NEIL2: variants seen among roughly 807,000 people sequenced by gnomAD.
NEIL2 encodes nei like DNA glycosylase 2, also known as endonuclease 8-like 2.
Under a neutral mutation model 22.2 loss-of-function variants are expected in NEIL2, and 23 were observed. That is an observed-to-expected ratio of 1.04 (90% confidence interval 0.75 to 1.47). The LOEUF (loss-of-function observed/expected upper bound fraction) is 1.47, where lower values mean the gene tolerates loss of function less well. Among genes scored for constraint, NEIL2 ranks in the 40% most tolerant of loss-of-function variants. The probability of loss-of-function intolerance (pLI) is 0.00; values close to 1 mark genes in which losing one functional copy is unlikely to be tolerated. For missense variants in NEIL2, 583 were observed against 404.7 expected, an observed-to-expected ratio of 1.44 and a Z score of -3.78; for synonymous variants, 229 against 164.8, an observed-to-expected ratio of 1.39 and a Z score of -2.99.
intron 4 of NEIL2, among the ~76,000 whole-genome samples, chr8:11,784,830 C>T (rs1804750409): frequency 2.0e-5 from 3 of 152,120 alleles, no homozygotes; most frequent in African/African-American, 7.2e-5. Flanking sequence ...TAACAGCTCC[C>T]GAAACACTTT....
intron 3 of NEIL2, among the ~76,000 whole-genome samples, chr8:11,780,425 G>C (rs965634288): frequency 2.6e-5 from 4 of 152,142 alleles, no homozygotes; most frequent in Non-Finnish European, 4.4e-5. Flanking sequence ...TGTTGGCCCA[G>C]GCTGGAGTGC....
At position 11,786,306 on chromosome 8, in the gene NEIL2, G is replaced by A. The variant is rs538617759; in HGVS notation, c.*33G>A. The A allele has an allele frequency of 1.3e-4, 214 of 1,595,916 alleles. No individual in the cohort carries two copies. The East Asian group carries it at 2.2e-3, about 17-fold the overall frequency. Reference sequence around the variant, plus strand: ...GTGGTGCTCCTCACGGAACCTTGCCGCTTGGGGAACCTGACGTCTAAGTGT... The same window carrying A: ...GTGGTGCTCCTCACGGAACCTTGCCACTTGGGGAACCTGACGTCTAAGTGT... On this transcript the variant is annotated 3_prime_UTR_variant, in exon 5 of 5. Coordinates refer to ENST00000284503, the MANE Select transcript of NEIL2 (RefSeq NM_145043.4).
chr8:11,785,361 A>G (rs804293), intron 4 of NEIL2, among the ~76,000 whole-genome samples: 108,267 of 151,698 alleles, frequency 0.71, 39,410 homozygotes, highest in Middle Eastern at 0.8. Context: ...ATGCCTGGCT[A>G]ATTTTTGTAT....
At chr8:11,776,850 G>C (rs892222743) in intron 2 of NEIL2, among the ~76,000 whole-genome samples, 1 of 152,074 alleles carries the variant, frequency 6.6e-6, no homozygotes, top group African/African-American at 2.4e-5. Context: ...CTCATCTTCT[G>C]GGGGGACTTT....
rs1803393937 is a variant in NEIL2 at position 11,771,069 on chromosome 8, A to G, written c.-2-377A>G. 1.3e-5 allele frequency among the ~76,000 whole-genome samples: 2 copies of G among 152,182 alleles called. 1 individual carries two copies. The highest frequency in any genetic ancestry group is 1.3e-4 in the Admixed American group (2 of 15,270). The stretch of plus-strand genomic sequence containing the variant: ...AGAGCGGGAGCAGGGGGACAGAGAA[A>G]GTCAGGAGGTGTTAGAGGTTCACAG... On this transcript the variant is annotated intron_variant, in intron 1 of 4. Coordinates refer to ENST00000284503, the MANE Select transcript of NEIL2 (RefSeq NM_145043.4).
rs748279367 is a variant in NEIL2, at chr8:11,779,945, C to A, written c.486C>A (p.Ser162=). The part of the protein sequence containing the change: ...ANKRGDWRDP[S]PRLVLHFGGG... ...AGAGGGGGGACTGGAGGGACCCTTC[C>A]CCGAGGTAATGGTGTGGCCATCTGA... The change falls in exon 3 of 5, where the codon TCC becomes TCA. Residue 162 remains serine (S), a synonymous_variant. Coordinates refer to ENST00000284503, the MANE Select transcript of NEIL2 (RefSeq NM_145043.4). 1 of 1,613,214 alleles carries A rather than the reference C, an allele frequency of 6.2e-7. No individual in the cohort carries two copies. The highest frequency in any genetic ancestry group is 1.3e-5 in the African/African-American group (1 of 74,800).
rs1804999414 is a variant in NEIL2, at chr8:11,786,757, CCTCCAGA to C, written c.*485_*491del. 2 of 192,264 alleles carry C rather than the reference CCTCCAGA, an allele frequency of 1.0e-5. No individual in the cohort carries two copies. Among genetic ancestry groups the C allele is most frequent in the African/African-American group, 4.8e-5 (2 of 41,688 alleles). 11.9% of individuals were successfully genotyped at this position (192,264 alleles called of 1,614,324 possible). On this transcript the variant is annotated 3_prime_UTR_variant, in exon 5 of 5. Coordinates refer to ENST00000284503, the MANE Select transcript of NEIL2 (RefSeq NM_145043.4). ...CTGGCTCAAGCAGTCTTCATCTCAG[CCTCCAGA>C]GTAGCTGGGACTACAGGCATGTGAT...
intron 2 of NEIL2, among the ~76,000 whole-genome samples, chr8:11,772,039 C>G (rs920206405): frequency 6.6e-6 from 1 of 152,064 alleles, no homozygotes; most frequent in Non-Finnish European, 1.5e-5. Flanking sequence ...CCCGTCTCTA[C>G]TAAAAATGCA....
Position 11,770,239 on chromosome 8 carries a change from C to G in NEIL2, c.-99C>G, listed in dbSNP as rs567391761. On this transcript the variant is annotated 5_prime_UTR_variant, in exon 1 of 5. Coordinates refer to ENST00000284503, the MANE Select transcript of NEIL2 (RefSeq NM_145043.4). ...ATAAAAATCCCTAAACGAAACATGC[C>G]CACGTGTCCGGAGATTTTCAGGACT... 6.6e-6 allele frequency: 1 copy of G among 152,196 alleles called. No homozygotes were observed. The highest frequency in any genetic ancestry group is 2.1e-4 in the South Asian group (1 of 4,828). The allele number at this position is 152,196 out of a possible 1,614,324, so 9.4% of individuals were successfully genotyped here.
At chr8:11,771,893 C>G (rs1310385238) in intron 2 of NEIL2, among the ~76,000 whole-genome samples, 1 of 152,162 alleles carries the variant, frequency 6.6e-6, no homozygotes, top group Non-Finnish European at 1.5e-5. Flanking sequence ...TTCCCCTGAG[C>G]CAGTGGAGAA....
At chr8:11,782,895 G>C (rs963365927) in intron 3 of NEIL2, 1 of 432,708 alleles carries the variant, frequency 2.3e-6, no homozygotes, top group Non-Finnish European at 4.3e-6. Flanking sequence ...TGTGCTCTAT[G>C]TTGTGGTAAC....
chr8:11,783,007 C>T (rs1291013052), intron 3 of NEIL2, 196 bp from the exon 4 acceptor site: 3 of 652,826 alleles, frequency 4.6e-6, no homozygotes, highest in Non-Finnish European at 2.9e-6. Context: ...CATGATCCAG[C>T]CACAGAGTGT....
At chr8:11,771,754 T>A (rs893175175) in intron 2 of NEIL2, among the ~76,000 whole-genome samples, 169 bp downstream of exon 2, 1 of 152,146 alleles carries the variant, frequency 6.6e-6, no homozygotes, top group Admixed American at 6.5e-5. Context: ...GAAGTAGATA[T>A]CGCTGTGGAC....
At chr8:11,785,319 C>T (rs537064443) in intron 4 of NEIL2, among the ~76,000 whole-genome samples, 1 of 152,206 alleles carries the variant, frequency 6.6e-6, no homozygotes, top group Non-Finnish European at 1.5e-5. Flanking sequence ...CCTCAGCCAC[C>T]TGAGTAGCTG....
At chr8:11,773,996 G>T (rs1300325068) in intron 2 of NEIL2, among the ~76,000 whole-genome samples, 1 of 152,250 alleles carries the variant, frequency 6.6e-6, no homozygotes, top group East Asian at 1.9e-4. Context: ...GGGAGGCCTC[G>T]CAATTATGGC....
At position 11,779,801 on chromosome 8, in the gene NEIL2, T is replaced by G. The variant is rs1804243596; in HGVS notation, c.342T>G (p.Asp114Glu). Residue 114 changes from aspartate (D) to glutamate (E), a missense_variant, in exon 3 of 5, where the codon GAT becomes GAG. Transcript: ENST00000284503. ...SAELVPQGED[D>E]SEYLERDAPA... The stretch of plus-strand genomic sequence containing the variant: ...AGCTCGTCCCCCAGGGCGAGGATGA[T>G]TCTGAGTATTTGGAGAGAGACGCCC... 6.2e-7 allele frequency: 1 copy of G among 1,613,966 alleles called. No individual in the cohort carries two copies. Among genetic ancestry groups the G allele is most frequent in the Non-Finnish European group, 8.5e-7 (1 of 1,179,974 alleles).
At chr8:11,778,290 G>GTTTTTT (rs34908835) in intron 2 of NEIL2, among the ~76,000 whole-genome samples, 39 of 130,286 alleles carry the variant, frequency 3.0e-4, no homozygotes, top group Non-Finnish European at 4.6e-4. Context: ...TCCTTGCTCA[G>GTTTTTT]TTTTTTTTTT....
chr8:11,782,553 T>A (rs1804518829), intron 3 of NEIL2: 1 of 165,310 alleles, frequency 6.0e-6, no homozygotes, highest in African/African-American at 2.4e-5. Context: ...CAAAATCATC[T>A]AACACAAAGC....
chr8:11,786,306 GC>G lies in NEIL2; in HGVS notation c.*34del, dbSNP rs112384557. ...GTGGTGCTCCTCACGGAACCTTGCC[GC>G]TTGGGGAACCTGACGTCTAAGTGTC... On this transcript the variant is annotated 3_prime_UTR_variant, in exon 5 of 5. Coordinates refer to ENST00000284503, the MANE Select transcript of NEIL2 (RefSeq NM_145043.4). 0.24 allele frequency: 375,021 copies of G among 1,594,948 alleles called. 45,082 individuals carry two copies. The highest frequency in any genetic ancestry group is 0.33 in the African/African-American group (24,744 of 74,424).
Sources: allele counts gnomAD v4.1 joint callset (sites outside exome capture counted in the v4.1 genomes callset), GRCh38; gene constraint gnomAD v4.1.1; transcripts MANE v1.5; gene names NCBI Gene and HGNC (gene_info 2026-07-23, HGNC 2026-07-21).